Variants in DAB1 observed in about 807,000 individuals in gnomAD.
DAB1 encodes the protein disabled homolog 1.
In DAB1, 15 loss-of-function variants were observed where a neutral mutation model predicts 64.6. That is an observed-to-expected ratio of 0.23 (90% CI 0.16 to 0.36). The LOEUF (loss-of-function observed/expected upper bound fraction) is 0.36, where lower values mean the gene tolerates loss of function less well. Among genes scored for constraint, DAB1 ranks in the 10% least tolerant of loss-of-function variants. The probability of loss-of-function intolerance (pLI) is 1.00; values close to 1 mark genes in which losing one functional copy is unlikely to be tolerated. For missense variants in DAB1, 596 were observed against 706.7 expected (o/e 0.84, Z 1.78); for synonymous variants, 235 against 251.9 (o/e 0.93, Z 0.64).
chr1:57,741,383 C>T (rs770267548), intron 6 of DAB1, among the ~76,000 whole-genome samples: 7 of 152,108 alleles, frequency 4.6e-5, no homozygotes, highest in Non-Finnish European at 1.0e-4. Context: ...TATTGTTATT[C>T]CCATTTGATA....
intron 3 of DAB1, among the ~76,000 whole-genome samples, chr1:58,379,521 A>C (rs1644368435): frequency 6.6e-6 from 1 of 152,254 alleles, no homozygotes; most frequent in South Asian, 2.1e-4. Flanking sequence ...TTGAACAAAA[A>C]TTCAAAGTTA....
At chr1:57,381,626 G>A (rs1419496835) in intron 1 of DAB1, among the ~76,000 whole-genome samples, 1 of 152,120 alleles carries the variant, frequency 6.6e-6, no homozygotes, top group Non-Finnish European at 1.5e-5. Context: ...AATTTGTTGT[G>A]AGGAAACCAG....
intron 4 of DAB1, among the ~76,000 whole-genome samples, chr1:58,164,032 G>A (rs1276292115): frequency 6.6e-6 from 1 of 152,062 alleles, no homozygotes; most frequent in Non-Finnish European, 1.5e-5. Flanking sequence ...GCTGAGCTAT[G>A]CAAACACGTG....
At chr1:57,867,849 G>A (rs1300730348) in intron 1 of DAB1, among the ~76,000 whole-genome samples, 2 of 152,060 alleles carry the variant, frequency 1.3e-5, no homozygotes, top group African/African-American at 2.4e-5. Context: ...TTCTTGGACT[G>A]GTATCTGAAG....
intron 5 of DAB1, among the ~76,000 whole-genome samples, chr1:58,143,384 A>G (rs1365267916): frequency 6.6e-6 from 1 of 152,188 alleles, no homozygotes; most frequent in Non-Finnish European, 1.5e-5. Flanking sequence ...ACCAATATAA[A>G]AAGTTGCAAA....
intron 2 of DAB1, among the ~76,000 whole-genome samples, chr1:57,207,565 T>G (rs940065851): frequency 1.4e-5 from 2 of 144,988 alleles, no homozygotes; most frequent in Admixed American, 1.4e-4. Context: ...TGCCTCAGCC[T>G]CCCAAGTAGC....
chr1:57,322,978 C>A (rs539784769), intron 1 of DAB1, among the ~76,000 whole-genome samples: 3 of 152,084 alleles, frequency 2.0e-5, no homozygotes, highest in Non-Finnish European at 2.9e-5. Flanking sequence ...AATGTTAATA[C>A]GTTTATGAAT....
At chr1:57,360,590 T>C (rs1442023923) in intron 1 of DAB1, among the ~76,000 whole-genome samples, 1 of 152,184 alleles carries the variant, frequency 6.6e-6, no homozygotes, top group Non-Finnish European at 1.5e-5. Flanking sequence ...TAGGGAATTC[T>C]GTAAGTTAGA....
At chr1:57,078,311 C>A (rs1469510576) in intron 4 of DAB1, among the ~76,000 whole-genome samples, 1 of 152,152 alleles carries the variant, frequency 6.6e-6, no homozygotes, top group Non-Finnish European at 1.5e-5. Flanking sequence ...ACTGTGGAAT[C>A]AGAAGAAATG....
At chr1:58,401,247 A>C (rs1441072023) in intron 3 of DAB1, among the ~76,000 whole-genome samples, 1 of 152,086 alleles carries the variant, frequency 6.6e-6, no homozygotes, top group Non-Finnish European at 1.5e-5. Context: ...CATTGCCTCC[A>C]CCCTGTGCCA....
At chr1:57,958,878 G>A (rs963288696) in intron 5 of DAB1, among the ~76,000 whole-genome samples, 1 of 152,104 alleles carries the variant, frequency 6.6e-6, no homozygotes, top group African/African-American at 2.4e-5. Context: ...AATTAGAGAC[G>A]ATTCTAATGA....
intron 1 of DAB1, among the ~76,000 whole-genome samples, chr1:57,327,865 A>G (rs1676309174): frequency 6.6e-6 from 1 of 152,002 alleles, no homozygotes; most frequent in South Asian, 2.1e-4. Flanking sequence ...AACAAAAAAT[A>G]CCCCTACAAA....
chr1:58,172,138 A>C (rs1268700080), intron 4 of DAB1, among the ~76,000 whole-genome samples: 1 of 152,232 alleles, frequency 6.6e-6, no homozygotes, highest in Admixed American at 6.5e-5. Context: ...AACCAGAGGC[A>C]GAAACAGCCT....
intron 3 of DAB1, among the ~76,000 whole-genome samples, chr1:58,353,843 C>A (rs768040673): frequency 1.3e-5 from 2 of 151,982 alleles, no homozygotes; most frequent in African/African-American, 2.4e-5. Flanking sequence ...ACTGAAGTTT[C>A]ATTTAGTTAA....
chr1:57,844,284 C>T (rs1437841800), intron 1 of DAB1, among the ~76,000 whole-genome samples: 3 of 152,226 alleles, frequency 2.0e-5, no homozygotes, highest in African/African-American at 4.8e-5. Context: ...TGCAGGACAG[C>T]AGCCCTGCTT....
intron 7 of DAB1, among the ~76,000 whole-genome samples, chr1:57,489,383 T>C (rs529186224): frequency 1.2e-4 from 19 of 152,300 alleles, no homozygotes; most frequent in African/African-American, 4.3e-4. Context: ...GTCTACTAGA[T>C]TCTCAAACTA....
intron 1 of DAB1, among the ~76,000 whole-genome samples, chr1:57,845,662 C>A (rs1362994128): frequency 6.6e-6 from 1 of 152,146 alleles, no homozygotes; most frequent in African/African-American, 2.4e-5. Context: ...AGAGACCCTG[C>A]CACAGTGTCC....
intron 1 of DAB1, among the ~76,000 whole-genome samples, chr1:57,301,404 C>A (rs139458966): frequency 1.3e-5 from 2 of 152,148 alleles, no homozygotes; most frequent in African/African-American, 2.4e-5. Flanking sequence ...CTACTCCATA[C>A]CAGCCAGGTG....
At chr1:57,119,733 G>C (rs966278484) in intron 4 of DAB1, among the ~76,000 whole-genome samples, 1 of 152,052 alleles carries the variant, frequency 6.6e-6, no homozygotes, top group East Asian at 1.9e-4. Flanking sequence ...GCAGGAAGAG[G>C]TCTATTAAAT....
Sources: gnomAD v4.1 joint callset for allele counts (sites outside exome capture counted in the v4.1 genomes callset) on GRCh38, gnomAD v4.1.1 for gene constraint, MANE v1.5 for transcripts, NCBI Gene and HGNC (gene_info 2026-07-23, HGNC 2026-07-21) for gene names.